Variants in GNAQ observed in about 807,000 individuals in gnomAD.
GNAQ encodes the protein G protein subunit alpha q.
Under a neutral mutation model 43.9 loss-of-function variants are expected in GNAQ, and 8 were observed. That is an observed-to-expected ratio of 0.18 (90% CI 0.11 to 0.33). GNAQ has a LOEUF of 0.33. Among genes scored for constraint, GNAQ ranks in the 10% least tolerant of loss-of-function variants. The probability of loss-of-function intolerance (pLI) is 1.00; values close to 1 mark genes in which losing one functional copy is unlikely to be tolerated. For synonymous variants in GNAQ, 155 were observed against 170.7 expected (o/e 0.91, Z 0.71); for missense variants, 158 against 450.8 (o/e 0.35, Z 5.88).
chr9:77,997,360 A>C (rs1394704748), intron 1 of GNAQ, among the ~76,000 whole-genome samples: 2 of 152,022 alleles, frequency 1.3e-5, no homozygotes, highest in Non-Finnish European at 2.9e-5. Flanking sequence ...ACCCACTCTC[A>C]TATCTCCAGA....
At chr9:77,894,032 C>T (rs962337796) in intron 2 of GNAQ, among the ~76,000 whole-genome samples, 5 of 152,006 alleles carry the variant, frequency 3.3e-5, no homozygotes, top group Non-Finnish European at 7.3e-5. Flanking sequence ...GACTTCAGGG[C>T]TCTTCTAGTG....
intron 2 of GNAQ, among the ~76,000 whole-genome samples, chr9:77,865,096 T>C (rs115428261): frequency 9.8e-5 from 15 of 152,328 alleles, no homozygotes; most frequent in African/African-American, 3.6e-4. Flanking sequence ...TATTAAAACC[T>C]AGAATGACTC....
intron 6 of GNAQ, among the ~76,000 whole-genome samples, chr9:77,724,980 A>G (rs1272872496): frequency 6.6e-6 from 1 of 152,192 alleles, no homozygotes; most frequent in Non-Finnish European, 1.5e-5. Flanking sequence ...CCAGAGCTGG[A>G]GAAGTCTCTC....
intron 1 of GNAQ, among the ~76,000 whole-genome samples, 193 bp downstream of exon 1, chr9:78,030,907 G>GTC (rs1554736248): frequency 1.3e-5 from 2 of 151,440 alleles, no homozygotes; most frequent in African/African-American, 4.8e-5. Flanking sequence ...GTGTGTGTGT[G>GTC]TGTGTGTGTG....
intron 1 of GNAQ, among the ~76,000 whole-genome samples, chr9:77,968,074 C>A (rs1823191789): frequency 6.6e-6 from 1 of 152,110 alleles, no homozygotes; most frequent in African/African-American, 2.4e-5. Context: ...GTAATGGTTG[C>A]ACAACTCTGC....
intron 1 of GNAQ, among the ~76,000 whole-genome samples, chr9:78,026,488 A>C (rs908596508): frequency 6.6e-6 from 1 of 152,228 alleles, no homozygotes; most frequent in Non-Finnish European, 1.5e-5. Flanking sequence ...TTGGAAGCTA[A>C]AAGAGTAGCA....
chr9:77,997,781 G>T (rs1157205558), intron 1 of GNAQ, among the ~76,000 whole-genome samples: 1 of 152,182 alleles, frequency 6.6e-6, no homozygotes. Context: ...CAGGCACCCG[G>T]CGGGCAAGGG....
chr9:77,757,123 G>A (rs1423438319), intron 5 of GNAQ, among the ~76,000 whole-genome samples: 2 of 152,182 alleles, frequency 1.3e-5, no homozygotes, highest in East Asian at 1.9e-4. Context: ...AGGCAAAGAT[G>A]TCTTATGAAA....
intron 1 of GNAQ, among the ~76,000 whole-genome samples, chr9:77,926,841 G>C (rs1829078870): frequency 6.6e-6 from 1 of 152,084 alleles, no homozygotes; most frequent in Admixed American, 6.6e-5. Context: ...CCAGAAATGA[G>C]ACTATTTAAG....
intron 5 of GNAQ, among the ~76,000 whole-genome samples, chr9:77,737,506 C>G (rs1825591779): frequency 6.6e-6 from 1 of 152,184 alleles, no homozygotes; most frequent in Non-Finnish European, 1.5e-5. Context: ...TTCCCACAAG[C>G]TATTGGAAAA....
At chr9:77,943,660 C>CT (rs34195207) in intron 1 of GNAQ, among the ~76,000 whole-genome samples, 14,642 of 116,076 alleles carry the variant, frequency 0.13, 1,190 homozygotes, top group East Asian at 0.32. Context: ...AAGTAACTAA[C>CT]TTTTTTTTTT....
chr9:77,870,645 C>T (rs1009731300), intron 2 of GNAQ, among the ~76,000 whole-genome samples: 9 of 151,960 alleles, frequency 5.9e-5, no homozygotes, highest in African/African-American at 1.9e-4. Context: ...GTTTTTTACC[C>T]ACCAATGGCT....
At position 77,832,087 on chromosome 9, in the gene GNAQ, CT is replaced by C. The variant is rs34672083; in HGVS notation, c.322-16318del. ...GACATCCTTTGGAGAGATTAGAGCA[CT>C]TTTTTTTTTTTTGGCTTTTCCAACA... On this transcript the variant is annotated intron_variant, in intron 2 of 6. Coordinates refer to ENST00000286548, the MANE Select transcript of GNAQ (RefSeq NM_002072.5). Among the ~76,000 whole-genome samples, 184 of 146,122 alleles carry C rather than the reference CT, an allele frequency of 1.3e-3. 1 individual carries two copies. Among genetic ancestry groups the C allele is most frequent in the Admixed American group, 2.2e-3 (32 of 14,726 alleles).
intron 1 of GNAQ, among the ~76,000 whole-genome samples, chr9:77,984,444 G>A (rs1270726242): frequency 6.6e-6 from 1 of 152,104 alleles, no homozygotes; most frequent in African/African-American, 2.4e-5. Flanking sequence ...ACAGGCGTGA[G>A]CCACCACATC....
Position 77,845,086 on chromosome 9 carries a change from G to GT in GNAQ, c.322-29317dup, listed in dbSNP as rs771698183. ...AAAGTACTACTCTAACATGAAATTA[G>GT]TTTTTTTTTAAAGCATTTCAATACT... is the stretch of plus-strand genomic sequence containing the variant. On this transcript the variant is annotated intron_variant, in intron 2 of 6. Transcript: ENST00000286548. 1.4e-3 allele frequency among the ~76,000 whole-genome samples: 218 copies of GT among 151,738 alleles called. 1 individual carries two copies. The highest frequency in any genetic ancestry group is 5.6e-3 in the South Asian group (27 of 4,786).
intron 1 of GNAQ, among the ~76,000 whole-genome samples, chr9:77,980,069 G>T (rs942933657): frequency 7.2e-5 from 11 of 152,182 alleles, no homozygotes; most frequent in African/African-American, 2.7e-4. Flanking sequence ...CGGCTGTGGG[G>T]TAACAGAATG....
chr9:77,948,745 C>T (rs1822937409), intron 1 of GNAQ, among the ~76,000 whole-genome samples: 1 of 152,142 alleles, frequency 6.6e-6, no homozygotes, highest in Admixed American at 6.5e-5. Context: ...GCCTCCCTAG[C>T]ATTGTTTAGG....
chr9:77,959,558 T>A (rs930483142), intron 1 of GNAQ, among the ~76,000 whole-genome samples: 1 of 152,188 alleles, frequency 6.6e-6, no homozygotes, highest in Non-Finnish European at 1.5e-5. Context: ...TCAATCTGCA[T>A]GAAAGTATGT....
intron 1 of GNAQ, among the ~76,000 whole-genome samples, chr9:77,972,582 A>G (rs1429955214): frequency 6.6e-6 from 1 of 152,202 alleles, no homozygotes; most frequent in Non-Finnish European, 1.5e-5. Context: ...ATTCACTACA[A>G]CAATCAAAAA....
Sources: allele counts gnomAD v4.1 joint callset (sites outside exome capture counted in the v4.1 genomes callset), GRCh38; gene constraint gnomAD v4.1.1; transcripts MANE v1.5; gene names NCBI Gene and HGNC (gene_info 2026-07-23, HGNC 2026-07-21).